The following SYNJ2 variants were observed in gnomAD, a reference collection of about 807,000 sequenced individuals.
SYNJ2 encodes polyphosphatidylinositol phosphatase SYNJ2.
In SYNJ2, 116 loss-of-function variants were observed where a neutral mutation model predicts 141.3. The ratio of observed to expected loss-of-function variants is 0.82; its 90% CI spans 0.71 to 0.96. The LOEUF is 0.96. Among genes scored for constraint, SYNJ2 ranks in the 40% least tolerant of loss-of-function variants. The probability of loss-of-function intolerance (pLI) is 0.00; values close to 1 mark genes in which losing one functional copy is unlikely to be tolerated. For missense variants in SYNJ2, 1,873 were observed against 1,934.8 expected (o/e 0.97, Z 0.60); for synonymous variants, 745 against 777.7 (o/e 0.96, Z 0.70).
intron 18 of SYNJ2, chr6:158,078,622 C>T (rs1193123758): frequency 9.7e-6 from 2 of 206,614 alleles, no homozygotes; most frequent in African/African-American, 2.3e-5. Flanking sequence ...GAGATACAGT[C>T]GTGTTGATGT....
chr6:158,063,934 G>T, intron 9 of SYNJ2, 62 bp downstream of exon 9: 1 of 1,565,896 alleles, frequency 6.4e-7, no homozygotes, highest in South Asian at 1.1e-5. Context: ...CAGCTGGACA[G>T]GCTGGGCTGA....
At chr6:158,086,808 C>CA in intron 22 of SYNJ2, 47 bp from the exon 23 acceptor site, 1 of 1,596,634 alleles carries the variant, frequency 6.3e-7, no homozygotes, top group South Asian at 1.1e-5. Context: ...CTGACACGCT[C>CA]ACGTGTGGAA....
At chr6:158,000,178 C>T (rs150531307) in intron 1 of SYNJ2, among the ~76,000 whole-genome samples, 11 of 140,730 alleles carry the variant, frequency 7.8e-5, no homozygotes, top group African/African-American at 2.4e-4. Flanking sequence ...CACGGAATGA[C>T]GGTAACTAGC....
chr6:158,028,815 C>G lies in SYNJ2; in HGVS notation c.274C>G (p.Pro92Ala), dbSNP rs1562337244. The G allele has an allele frequency of 6.2e-7, 1 of 1,614,184 alleles. No individual in the cohort carries two copies. ...VTGCTSVGRI[P>A]DAEIYKITAT... ...AGGCTGCACATCTGTGGGCAGAATT[C>G]CAGATGCTGAAATCTACAAAATCAC... The change falls in exon 3 of 27, where the codon CCA becomes GCA. Residue 92 changes from proline (P) to alanine (A), a missense_variant. Coordinates refer to ENST00000355585, the MANE Select transcript of SYNJ2 (RefSeq NM_003898.4).
At chr6:158,059,556 C>CTGT in intron 7 of SYNJ2, 1 of 1,178,638 alleles carries the variant, frequency 8.5e-7, no homozygotes. Flanking sequence ...AATTTCTTTT[C>CTGT]TTTTTTTTTT....
chr6:158,067,567 T>C, intron 12 of SYNJ2: 1 of 985,464 alleles, frequency 1.0e-6, no homozygotes. Context: ...TTTTGTTTGT[T>C]TGTTTTTTGT....
At chr6:158,030,536 C>T (rs535428048) in intron 3 of SYNJ2, 2 of 152,676 alleles carry the variant, frequency 1.3e-5, no homozygotes, top group Non-Finnish European at 2.9e-5. Context: ...ACCCCCACAT[C>T]CTCTTTGGTT....
intron 2 of SYNJ2, among the ~76,000 whole-genome samples, chr6:158,023,095 GGTATC>G: frequency 6.6e-6 from 1 of 151,952 alleles, no homozygotes; most frequent in African/African-American, 2.4e-5. Context: ...ACATAGTGAT[GGTATC>G]TACAGCACCA....
chr6:158,047,219 G>A (rs567466438), intron 5 of SYNJ2, among the ~76,000 whole-genome samples: 47 of 152,260 alleles, frequency 3.1e-4, no homozygotes, highest in African/African-American at 1.0e-3. Flanking sequence ...TCTTGTGTGC[G>A]TGGGAAGGAA....
chr6:158,049,330 A>G (rs1197905971), intron 5 of SYNJ2, among the ~76,000 whole-genome samples: 2 of 152,090 alleles, frequency 1.3e-5, no homozygotes, highest in African/African-American at 4.8e-5. Flanking sequence ...GTGGCTTCTG[A>G]CACCCAGTGA....
At chr6:158,077,932 G>A (rs1235274903) in intron 17 of SYNJ2, 4 of 327,092 alleles carry the variant, frequency 1.2e-5, no homozygotes, top group African/African-American at 6.4e-5. Flanking sequence ...GCATGCTGGC[G>A]AGGACTGCAG....
At chr6:158,085,161 A>G (rs576215424) in intron 22 of SYNJ2, among the ~76,000 whole-genome samples, 1 of 151,978 alleles carries the variant, frequency 6.6e-6, no homozygotes, top group Admixed American at 6.6e-5. Flanking sequence ...CTGGGACTAC[A>G]GGGTTGCACC....
chr6:158,037,220 GT>G (rs1378193489), intron 4 of SYNJ2, among the ~76,000 whole-genome samples: 1 of 152,020 alleles, frequency 6.6e-6, no homozygotes, highest in Non-Finnish European at 1.5e-5. Flanking sequence ...TCTCTTCGAA[GT>G]CCCCCTGGGG....
In SYNJ2 at chr6:158,027,326, G is replaced by A; in HGVS notation, c.215-1430G>A. ...GGCGGATCCTTCAGACCTCAGCGGG[G>A]TGGGAAGAGTGTCCTTGGGACTAGA... is the stretch of plus-strand genomic sequence containing the variant. On this transcript the variant is annotated intron_variant, in intron 2 of 26. Coordinates refer to ENST00000355585, the MANE Select transcript of SYNJ2 (RefSeq NM_003898.4). This position sits in a 1 kb window ranked among gnomAD's most constrained non-coding sequence, Gnocchi z 4.6. 1 of 509,254 alleles carries A rather than the reference G, an allele frequency of 2.0e-6. No homozygotes were observed. Among genetic ancestry groups the A allele is most frequent in the South Asian group, 8.4e-5 (1 of 11,878 alleles). 31.5% of individuals were successfully genotyped at this position (509,254 alleles called of 1,614,324 possible). A position where few individuals can be genotyped will look rare whatever the true frequency, so the allele number is the denominator to read the frequency against.
chr6:158,059,975 C>T (rs1303853768), intron 7 of SYNJ2, among the ~76,000 whole-genome samples: 1 of 152,202 alleles, frequency 6.6e-6, no homozygotes. Context: ...TTGAGGGCTT[C>T]TGACCTCTCA....
intron 6 of SYNJ2, among the ~76,000 whole-genome samples, chr6:158,058,028 G>A (rs529103991): frequency 1.3e-5 from 2 of 152,230 alleles, no homozygotes; most frequent in African/African-American, 4.8e-5. Context: ...GTCCCTTAAA[G>A]TTAGTAAGAG....
chr6:158,090,202 A>G (rs1055970152), intron 25 of SYNJ2, among the ~76,000 whole-genome samples: 2 of 152,246 alleles, frequency 1.3e-5, no homozygotes, highest in African/African-American at 4.8e-5. Flanking sequence ...AGAGACCGAA[A>G]AAAACCAAAA....
chr6:158,032,047 G>T (rs1296479261), intron 3 of SYNJ2, among the ~76,000 whole-genome samples: 1 of 152,150 alleles, frequency 6.6e-6, no homozygotes, highest in Non-Finnish European at 1.5e-5. Flanking sequence ...ATGTGTTTTT[G>T]TACAGCAATG....
chr6:158,095,147 T>C (rs1783724161), intron 26 of SYNJ2, among the ~76,000 whole-genome samples: 1 of 141,920 alleles, frequency 7.0e-6, no homozygotes, highest in African/African-American at 2.7e-5. Flanking sequence ...AGACTCCTTC[T>C]CAAAAAAAAA....
Sources: gnomAD v4.1 joint callset for allele counts (sites outside exome capture counted in the v4.1 genomes callset) on GRCh38, gnomAD v4.1.1 for gene constraint, Gnocchi (gnomAD v3.1) non-coding constraint, MANE v1.5 for transcripts, NCBI Gene and HGNC (gene_info 2026-07-23, HGNC 2026-07-21) for gene names.